Variants in TRPS1 observed in about 807,000 individuals in gnomAD.
TRPS1 encodes the protein zinc finger transcription factor Trps1.
A neutral mutation model predicts 101.2 loss-of-function variants in TRPS1; 6 were observed. That is an observed-to-expected ratio of 0.06 (90% confidence interval 0.03 to 0.12). The LOEUF is 0.12. Ranked by LOEUF, TRPS1 falls within the 10% of genes least tolerant of loss-of-function variation. The pLI is 1.00. For missense variants in TRPS1, 1,363 were observed against 1,567.0 expected, an observed-to-expected ratio of 0.87 and a Z score of 2.20; for synonymous variants, 578 against 589.8, an observed-to-expected ratio of 0.98 and a Z score of 0.29.
Position 115,619,976 on chromosome 8 carries a change from C to T in TRPS1, c.122G>A (p.Ser41Asn), listed in dbSNP as rs1245428399. Residue 41 changes from serine to asparagine, a missense_variant, in exon 3 of 7, where the codon AGC (serine) becomes AAC (asparagine). By Grantham distance (46) the Ser-to-Asn change is conservative. Transcript: ENST00000395715. ...GQILEPIGTESKVSGKNKEFS... is the reference protein window; with the variant it reads ...GQILEPIGTENKVSGKNKEFS... ...TTCTTTGTTCTTTCCAGATACCTTG[C>T]TTTCTGTACCTATAGGCTCCAGGAT... 4.3e-6 allele frequency: 7 copies of T among 1,614,152 alleles called. No homozygotes were observed. Among genetic ancestry groups the T allele is most frequent in the Non-Finnish European group, 5.9e-6 (7 of 1,180,034 alleles).
intron 1 of TRPS1, among the ~76,000 whole-genome samples, chr8:115,627,715 C>T (rs1189237339): frequency 1.3e-5 from 2 of 151,674 alleles, no homozygotes; most frequent in Non-Finnish European, 3.0e-5. Flanking sequence ...ACTAATGTTG[C>T]TTTTTTCTGT....
At chr8:115,415,871 G>A (rs190971991) in intron 6 of TRPS1, among the ~76,000 whole-genome samples, 16 of 152,250 alleles carry the variant, frequency 1.1e-4, no homozygotes, top group Admixed American at 3.9e-4. Context: ...AAATACATGC[G>A]TGCTTCTAAA....
In TRPS1 at chr8:115,414,964, C is replaced by A. The variant is rs1812881313; in HGVS notation, c.2944G>T (p.Gly982Cys). ...QAEQLNKQQRGSNEEQVNGSP... is the reference protein window; with the variant it reads ...QAEQLNKQQRCSNEEQVNGSP... ...CCATTGACTTGCTCCTCATTGCTGC[C>A]CCTCTGCTGTTTGTTGAGCTGCTCA... The change falls in exon 7 of 7, where the codon GGC becomes TGC. Residue 982 changes from glycine to cysteine, a missense_variant. This residue lies in a region of TRPS1 where 307 missense variants were observed against 392.4 expected (regional missense o/e 0.78). Transcript: ENST00000395715. The surrounding 1 kb of genome is among the most constrained non-coding windows in gnomAD (Gnocchi z 4.8). 1.3e-6 allele frequency: 2 copies of A among 1,585,198 alleles called. No homozygotes were observed. The highest frequency in any genetic ancestry group is 1.7e-6 in the Non-Finnish European group (2 of 1,167,652).
At chr8:115,498,677 A>T (rs1470321926) in intron 5 of TRPS1, among the ~76,000 whole-genome samples, 2 of 151,982 alleles carry the variant, frequency 1.3e-5, no homozygotes, top group Non-Finnish European at 2.9e-5. Context: ...AGTTAGTGTC[A>T]CACAAAGTAA....
intron 5 of TRPS1, among the ~76,000 whole-genome samples, chr8:115,435,356 A>G (rs760737409): frequency 1.8e-4 from 27 of 152,334 alleles, no homozygotes; most frequent in Non-Finnish European, 2.9e-4. Context: ...TGAAATACAT[A>G]ACCATTAATA....
intron 1 of TRPS1, among the ~76,000 whole-genome samples, chr8:115,631,893 G>C (rs886281963): frequency 1.3e-5 from 2 of 151,990 alleles, no homozygotes; most frequent in African/African-American, 4.8e-5. Flanking sequence ...CATAGCTCTA[G>C]GTCCATGGGC....
intron 5 of TRPS1, among the ~76,000 whole-genome samples, chr8:115,575,072 T>C (rs1436781463): frequency 6.6e-6 from 1 of 152,142 alleles, no homozygotes; most frequent in East Asian, 1.9e-4. Context: ...TCTACTACTG[T>C]GTGGTCCCAT....
intron 3 of TRPS1, among the ~76,000 whole-genome samples, chr8:115,606,532 C>T (rs963767376): frequency 1.3e-5 from 2 of 152,240 alleles, no homozygotes; most frequent in African/African-American, 4.8e-5. Flanking sequence ...ACATAGATTT[C>T]AGTCTGTCAA....
At chr8:115,416,433 A>AT (rs1399023670) in intron 6 of TRPS1, among the ~76,000 whole-genome samples, 4 of 151,102 alleles carry the variant, frequency 2.6e-5, no homozygotes, top group African/African-American at 9.7e-5. Context: ...TCAGAAAATA[A>AT]TTTCCACATA....
At chr8:115,521,134 T>C (rs914987835) in intron 5 of TRPS1, among the ~76,000 whole-genome samples, 5 of 117,990 alleles carry the variant, frequency 4.2e-5, no homozygotes, top group African/African-American at 1.3e-4. Flanking sequence ...CTCTTTCTTA[T>C]CCCAACTCTA....
chr8:115,616,915 G>T (rs960334447), intron 3 of TRPS1, among the ~76,000 whole-genome samples: 1 of 152,024 alleles, frequency 6.6e-6, no homozygotes, highest in Non-Finnish European at 1.5e-5. Flanking sequence ...TTTCAGATGC[G>T]TTTTTATTCA....
intron 5 of TRPS1, among the ~76,000 whole-genome samples, chr8:115,515,497 A>C (rs190183168): frequency 2.9e-4 from 44 of 151,646 alleles, no homozygotes; most frequent in Admixed American, 2.6e-3. Flanking sequence ...TTTTTAAGGT[A>C]ACTGACCTAA....
chr8:115,463,095 C>T (rs1408467923), intron 5 of TRPS1, among the ~76,000 whole-genome samples: 1 of 152,132 alleles, frequency 6.6e-6, no homozygotes, highest in East Asian at 1.9e-4. Flanking sequence ...TTTGTGAGAG[C>T]TGAAAAAGTG....
chr8:115,441,330 T>A (rs1813587598), intron 5 of TRPS1, among the ~76,000 whole-genome samples: 2 of 152,234 alleles, frequency 1.3e-5, no homozygotes, highest in Admixed American at 1.3e-4. Flanking sequence ...TTATAAAACT[T>A]ACGGCGCTCT....
At chr8:115,644,493 C>T (rs987539142) in intron 1 of TRPS1, among the ~76,000 whole-genome samples, 10 of 152,232 alleles carry the variant, frequency 6.6e-5, no homozygotes, top group African/African-American at 2.4e-4. Flanking sequence ...CTGGATTAGG[C>T]TGTGCCCTGA....
At chr8:115,581,276 T>C (rs1226701465) in intron 5 of TRPS1, among the ~76,000 whole-genome samples, 6 of 151,630 alleles carry the variant, frequency 4.0e-5, no homozygotes, top group Admixed American at 6.6e-5. Flanking sequence ...AAAGGGAGAA[T>C]AGGCAGAGAT....
chr8:115,586,945 GTTCCTCC>G, intron 5 of TRPS1, 49 bp downstream of exon 5: 3 of 1,608,258 alleles, frequency 1.9e-6, no homozygotes, highest in South Asian at 2.2e-5. Context: ...AAGAATGTGT[GTTCCTCC>G]TTTTGCCCTT....
rs566200451 is a variant in TRPS1 at position 115,599,170 on chromosome 8, G to T, written c.2096+4703C>A. ...TGTCTTTGATATTTTGCCCCTCCTT[G>T]CTCTCTCTTAAATATTCTGTCTAAT... On this transcript the variant is annotated intron_variant, in intron 4 of 6. Coordinates refer to ENST00000395715, the MANE Select transcript of TRPS1 (RefSeq NM_014112.5). Among the ~76,000 whole-genome samples, 27 of 151,780 alleles carry T rather than the reference G, an allele frequency of 1.8e-4. No homozygotes were observed. In the South Asian group the frequency reaches 5.6e-3, roughly 32 times the overall value.
intron 1 of TRPS1, among the ~76,000 whole-genome samples, chr8:115,645,709 T>C (rs914785890): frequency 6.6e-5 from 10 of 152,096 alleles, no homozygotes; most frequent in African/African-American, 2.4e-4. Flanking sequence ...CTAATACAAA[T>C]ATTTTTAAAA....
Sources: gnomAD v4.1 joint callset for allele counts (sites outside exome capture counted in the v4.1 genomes callset) on GRCh38, gnomAD v4.1.1 for gene constraint, gnomAD v4.1.1 regional missense constraint, Gnocchi (gnomAD v3.1) non-coding constraint, MANE v1.5 for transcripts, NCBI Gene and HGNC (gene_info 2026-07-23, HGNC 2026-07-21) for gene names.